The following DTD1 variants were observed in gnomAD, a reference collection of about 807,000 sequenced individuals.
The protein encoded by DTD1 is D-tyrosyl-tRNA deacylase 1 homolog.
DTD1 carries 13 observed loss-of-function variants against 25.6 expected under a neutral mutation model. The observed-to-expected ratio is 0.51, with a 90% CI of 0.33 to 0.81. The LOEUF (loss-of-function observed/expected upper bound fraction) is 0.81. DTD1 is among the 30% of genes least tolerant of loss of function. DTD1 has a pLI of 0.02. For missense variants in DTD1, 193 were observed against 266.4 expected (o/e 0.72, Z 1.92); for synonymous variants, 110 against 103.6 (o/e 1.06, Z -0.37).
chr20:18,662,312 G>A (rs773910935), intron 4 of DTD1, among the ~76,000 whole-genome samples: 14 of 152,034 alleles, frequency 9.2e-5, no homozygotes, highest in Non-Finnish European at 1.5e-4. Context: ...GACCTCAAGC[G>A]ATCTGCCTGC....
At chr20:18,646,884 G>A (rs1568657448) in intron 4 of DTD1, among the ~76,000 whole-genome samples, 1 of 152,192 alleles carries the variant, frequency 6.6e-6, no homozygotes, top group African/African-American at 2.4e-5. Flanking sequence ...CAGATGTCGA[G>A]AGAGGAGGGC....
At chr20:18,761,975 C>T (rs2061364813) in intron 5 of DTD1, among the ~76,000 whole-genome samples, 1 of 152,218 alleles carries the variant, frequency 6.6e-6, no homozygotes, top group Admixed American at 6.5e-5. Context: ...AGGACTCTTA[C>T]AGGTGGGTTT....
intron 4 of DTD1, among the ~76,000 whole-genome samples, chr20:18,737,923 G>A (rs2061262795): frequency 6.6e-6 from 1 of 152,224 alleles, no homozygotes; most frequent in African/African-American, 2.4e-5. Flanking sequence ...TACCCATGAA[G>A]ACAAGTGTGC....
chr20:18,598,959 G>A (rs755266887), intron 3 of DTD1, among the ~76,000 whole-genome samples: 9 of 152,014 alleles, frequency 5.9e-5, no homozygotes, highest in Admixed American at 3.3e-4. Flanking sequence ...AATACAGTGT[G>A]TAGCCTTTTC....
At chr20:18,748,822 C>A (rs1490658220) in intron 5 of DTD1, among the ~76,000 whole-genome samples, 2 of 152,182 alleles carry the variant, frequency 1.3e-5, no homozygotes, top group Admixed American at 1.3e-4. Flanking sequence ...GATTAGGTAG[C>A]ATAGAACTTG....
intron 3 of DTD1, among the ~76,000 whole-genome samples, chr20:18,621,522 A>T (rs1476298849): frequency 6.6e-6 from 1 of 152,214 alleles, no homozygotes; most frequent in Non-Finnish European, 1.5e-5. Flanking sequence ...CTTTGCCTGT[A>T]ACAGTTATTA....
At chr20:18,710,075 A>G (rs981016381) in intron 4 of DTD1, among the ~76,000 whole-genome samples, 1 of 152,130 alleles carries the variant, frequency 6.6e-6, no homozygotes, top group African/African-American at 2.4e-5. Context: ...TATTGTCTAC[A>G]TTTTGGAGTA....
chr20:18,659,695 T>C (rs2060902184), intron 4 of DTD1, among the ~76,000 whole-genome samples: 1 of 151,208 alleles, frequency 6.6e-6, no homozygotes, highest in Non-Finnish European at 1.5e-5. Context: ...TAAGTGGGAG[T>C]TGAACAATGA....
At chr20:18,618,037 A>G (rs1403380906) in intron 3 of DTD1, among the ~76,000 whole-genome samples, 2 of 152,248 alleles carry the variant, frequency 1.3e-5, no homozygotes, top group African/African-American at 4.8e-5. Context: ...CAACAGTGAC[A>G]TGATGAATAC....
chr20:18,762,093 A>G (rs984006325), intron 5 of DTD1, among the ~76,000 whole-genome samples: 4 of 152,170 alleles, frequency 2.6e-5, no homozygotes, highest in South Asian at 2.1e-4. Context: ...GGACTTCGCT[A>G]TCCAGCTGGG....
At chr20:18,729,478 T>A (rs146651118) in intron 4 of DTD1, among the ~76,000 whole-genome samples, 21 of 152,356 alleles carry the variant, frequency 1.4e-4, no homozygotes, top group African/African-American at 5.0e-4. Context: ...AGAAGTGTCA[T>A]AATAATACTT....
At chr20:18,758,138 T>C (rs1341573596) in intron 5 of DTD1, among the ~76,000 whole-genome samples, 1 of 152,216 alleles carries the variant, frequency 6.6e-6, no homozygotes, top group East Asian at 1.9e-4. Context: ...CATTTTTTAT[T>C]GCATCTATTT....
intron 2 of DTD1, among the ~76,000 whole-genome samples, chr20:18,595,180 A>G (rs1267732453): frequency 6.6e-5 from 10 of 152,188 alleles, no homozygotes; most frequent in African/African-American, 2.2e-4. Flanking sequence ...AGCTTGTGAC[A>G]TAGTTTTCAA....
intron 4 of DTD1, among the ~76,000 whole-genome samples, chr20:18,701,660 C>T (rs76959556): frequency 0.012 from 1,765 of 152,258 alleles, 30 homozygotes; most frequent in African/African-American, 0.039. Context: ...AGGATGGGAC[C>T]ACGTGGGACA....
In DTD1 at chr20:18,715,983, T is replaced by C. The variant is rs186739878; in HGVS notation, c.478-28117T>C. Reference sequence around the variant, plus strand: ...GAAACACAAATTGAGTGATTTGAGGTTGGACCCCCTTACTGTACTGTTGAG... The same window carrying C: ...GAAACACAAATTGAGTGATTTGAGGCTGGACCCCCTTACTGTACTGTTGAG... On this transcript the variant is annotated intron_variant, in intron 4 of 5. Transcript: ENST00000377452. Among the ~76,000 whole-genome samples the C allele has an allele frequency of 5.3e-5, 8 of 152,272 alleles. No homozygotes were observed. The East Asian group carries it at 1.5e-3, about 29-fold the overall frequency.
intron 3 of DTD1, among the ~76,000 whole-genome samples, chr20:18,598,796 A>T (rs920492087): frequency 6.6e-6 from 1 of 151,704 alleles, no homozygotes; most frequent in Non-Finnish European, 1.5e-5. Flanking sequence ...GGTGTGAGCC[A>T]CCGCGCCCGG....
At chr20:18,732,888 A>G (rs149507314) in intron 4 of DTD1, among the ~76,000 whole-genome samples, 1 of 152,320 alleles carries the variant, frequency 6.6e-6, no homozygotes, top group Non-Finnish European at 1.5e-5. Flanking sequence ...TGGCCTTCCA[A>G]TATGTAGACA....
chr20:18,702,576 G>A (rs981832848), intron 4 of DTD1, among the ~76,000 whole-genome samples: 2 of 152,096 alleles, frequency 1.3e-5, no homozygotes, highest in African/African-American at 4.8e-5. Context: ...GTAATATCAG[G>A]TGTTGTGGCT....
At chr20:18,761,020 A>G (rs2061359999) in intron 5 of DTD1, among the ~76,000 whole-genome samples, 1 of 152,214 alleles carries the variant, frequency 6.6e-6, no homozygotes, top group African/African-American at 2.4e-5. Flanking sequence ...CTGTGGGCGT[A>G]GGACCCTCAG....
Sources: allele counts gnomAD v4.1 joint callset (sites outside exome capture counted in the v4.1 genomes callset), GRCh38; gene constraint gnomAD v4.1.1; transcripts MANE v1.5; gene names NCBI Gene and HGNC (gene_info 2026-07-23, HGNC 2026-07-21).